Variants in DSCAM observed in about 807,000 individuals in gnomAD.
DSCAM encodes DS cell adhesion molecule, also known as cell adhesion molecule DSCAM.
In DSCAM, 47 loss-of-function variants were observed where a neutral mutation model predicts 217.7. The ratio of observed to expected loss-of-function variants is 0.22; its 90% CI spans 0.17 to 0.28. The LOEUF (loss-of-function observed/expected upper bound fraction) is 0.28, where lower values mean the gene tolerates loss of function less well. Among genes scored for constraint, DSCAM ranks in the 10% least tolerant of loss-of-function variants. DSCAM has a pLI of 1.00. For missense variants in DSCAM, 2,080 were observed against 2,618.3 expected (o/e 0.79, Z 4.49); for synonymous variants, 1,056 against 1,015.3 (o/e 1.04, Z -0.76).
At chr21:40,020,179 G>A (rs1042692344) in intron 32 of DSCAM, among the ~76,000 whole-genome samples, 2 of 152,102 alleles carry the variant, frequency 1.3e-5, no homozygotes, top group Non-Finnish European at 2.9e-5. Context: ...GCTTTATAAG[G>A]GGTTGCCCCA....
intron 3 of DSCAM, among the ~76,000 whole-genome samples, chr21:40,632,729 C>G (rs144998086): frequency 1.3e-5 from 2 of 152,280 alleles, no homozygotes; most frequent in Admixed American, 1.3e-4. Context: ...TTTCATTCCA[C>G]GTTGATTGAC....
At chr21:40,791,043 G>A (rs1042729942) in intron 1 of DSCAM, among the ~76,000 whole-genome samples, 1 of 151,858 alleles carries the variant, frequency 6.6e-6, no homozygotes, top group Non-Finnish European at 1.5e-5. Flanking sequence ...AATTAGCCGG[G>A]CAAGGTGGCA....
At chr21:40,528,820 G>A (rs752357653) in intron 3 of DSCAM, among the ~76,000 whole-genome samples, 1 of 151,812 alleles carries the variant, frequency 6.6e-6, no homozygotes, top group African/African-American at 2.4e-5. Flanking sequence ...AGCAGCCAGC[G>A]AGGTGAGCAG....
chr21:40,214,746 AAAAAAACAAAAC>A (rs1170111253), intron 11 of DSCAM, among the ~76,000 whole-genome samples: 1 of 151,638 alleles, frequency 6.6e-6, no homozygotes, highest in Admixed American at 6.6e-5. Context: ...AAAAAAAAAA[AAAAAAACAAAAC>A]AAAAAACAAC....
intron 3 of DSCAM, among the ~76,000 whole-genome samples, chr21:40,537,865 T>C (rs1036947941): frequency 6.6e-6 from 1 of 152,152 alleles, no homozygotes; most frequent in Non-Finnish European, 1.5e-5. Context: ...TGTACTTCCT[T>C]ACAGCAGCCC....
At chr21:40,844,961 G>A (rs946913959) in intron 1 of DSCAM, among the ~76,000 whole-genome samples, 6 of 152,266 alleles carry the variant, frequency 3.9e-5, no homozygotes, top group East Asian at 1.9e-4. Context: ...CCTGACAGGC[G>A]AAACAGGGTG....
At chr21:40,571,083 C>A (rs1439109693) in intron 3 of DSCAM, among the ~76,000 whole-genome samples, 1 of 150,560 alleles carries the variant, frequency 6.6e-6, no homozygotes, top group Non-Finnish European at 1.5e-5. Flanking sequence ...CAGAGGTGAA[C>A]CTTAAAAGAA....
chr21:40,248,636 C>A (rs1041530951), intron 11 of DSCAM, among the ~76,000 whole-genome samples: 4 of 152,204 alleles, frequency 2.6e-5, no homozygotes, highest in Non-Finnish European at 5.9e-5. Flanking sequence ...CTAGGAAGTT[C>A]CAAACTTTCC....
At chr21:40,278,061 A>G (rs2073712222) in intron 10 of DSCAM, among the ~76,000 whole-genome samples, 1 of 152,102 alleles carries the variant, frequency 6.6e-6, no homozygotes, top group African/African-American at 2.4e-5. Flanking sequence ...ATATACAAAA[A>G]TCAATGTCAA....
At position 40,706,134 on chromosome 21, in the gene DSCAM, C is replaced by G. The variant is rs1373178860; in HGVS notation, c.361+2320G>C. Among the ~76,000 whole-genome samples, 4 of 148,898 alleles carry G rather than the reference C, an allele frequency of 2.7e-5. No individual in the cohort carries two copies. In the Admixed American group the frequency reaches 2.7e-4, roughly 10 times the overall value. On this transcript the variant is annotated intron_variant, in intron 2 of 32. Transcript: ENST00000400454. Reference sequence around the variant, plus strand: ...GGTGGAGCTTGCAGTGAGCCGAGATCGCGCGACTGCACTCCAGCCTGGGAA... The same window carrying G: ...GGTGGAGCTTGCAGTGAGCCGAGATGGCGCGACTGCACTCCAGCCTGGGAA...
chr21:40,740,783 G>T (rs918463696), intron 1 of DSCAM, among the ~76,000 whole-genome samples: 6 of 152,280 alleles, frequency 3.9e-5, no homozygotes, highest in Admixed American at 6.5e-5. Context: ...ACTTTGAAAT[G>T]CCTGGAGGCA....
At chr21:40,263,496 A>T (rs11088511) in intron 11 of DSCAM, among the ~76,000 whole-genome samples, 4 of 151,980 alleles carry the variant, frequency 2.6e-5, no homozygotes, top group East Asian at 1.9e-4. Flanking sequence ...GGAAATTTAA[A>T]TTTTTTTTCA....
At chr21:40,137,969 T>A (rs1392035289) in intron 18 of DSCAM, among the ~76,000 whole-genome samples, 3 of 152,164 alleles carry the variant, frequency 2.0e-5, no homozygotes, top group Admixed American at 2.0e-4. Context: ...ATGGTAACTT[T>A]TCAAAGGATA....
intron 3 of DSCAM, among the ~76,000 whole-genome samples, chr21:40,613,558 A>G (rs965164923): frequency 1.3e-5 from 2 of 152,200 alleles, no homozygotes; most frequent in African/African-American, 2.4e-5. Context: ...TAATTCATCA[A>G]TATAATGCAA....
chr21:40,175,637 A>G (rs1343864373), intron 15 of DSCAM, among the ~76,000 whole-genome samples: 1 of 152,108 alleles, frequency 6.6e-6, no homozygotes. Flanking sequence ...CACTTCCTAA[A>G]GGCCCCACTT....
rs191802158 is a variant in DSCAM, at chr21:40,781,453, C to T, written c.43+65166G>A. ...CATACAATTGACTCTCTGAACAATG[C>T]GGATTTCAAGTACACAAGTCCACTT... On this transcript the variant is annotated intron_variant, in intron 1 of 32. Transcript: ENST00000400454. 3.5e-3 allele frequency among the ~76,000 whole-genome samples: 530 copies of T among 152,298 alleles called. 3 individuals are homozygous for T. The highest frequency in any genetic ancestry group is 0.012 in the African/African-American group (482 of 41,560).
intron 1 of DSCAM, among the ~76,000 whole-genome samples, chr21:40,800,715 CTTTTTT>C: frequency 7.6e-6 from 1 of 131,072 alleles, no homozygotes; most frequent in Admixed American, 7.7e-5. Context: ...TTCTTACTTT[CTTTTTT>C]TTTTTTTTTT....
chr21:40,390,515 G>C (rs2075124378), intron 3 of DSCAM, among the ~76,000 whole-genome samples: 1 of 152,152 alleles, frequency 6.6e-6, no homozygotes, highest in Admixed American at 6.5e-5. Context: ...CAGGGCTGCT[G>C]CAACAAAGTA....
chr21:40,568,321 T>C, intron 3 of DSCAM, among the ~76,000 whole-genome samples: 1 of 152,256 alleles, frequency 6.6e-6, no homozygotes, highest in East Asian at 1.9e-4. Flanking sequence ...ATATATTTTT[T>C]TTCTTTAAGA....
Sources: allele counts gnomAD v4.1 joint callset (sites outside exome capture counted in the v4.1 genomes callset), GRCh38; gene constraint gnomAD v4.1.1; transcripts MANE v1.5; gene names NCBI Gene and HGNC (gene_info 2026-07-23, HGNC 2026-07-21).